The following FARS2 variants were observed in gnomAD, a reference collection of about 807,000 sequenced individuals.
The protein encoded by FARS2 is phenylalanyl-tRNA synthetase 2, mitochondrial.
A neutral mutation model predicts 46.4 loss-of-function variants in FARS2; 40 were observed. That is an observed-to-expected ratio of 0.86 (90% confidence interval 0.67 to 1.12). The LOEUF is 1.12. Ranked by LOEUF, FARS2 falls within the 50% of genes most tolerant of loss-of-function variation. The pLI is 0.00. For missense variants in FARS2, 513 were observed against 567.9 expected (o/e 0.90, Z 0.98); for synonymous variants, 234 against 214.9 (o/e 1.09, Z -0.78).
chr6:5,650,754 G>A (rs1777317886), intron 6 of FARS2, among the ~76,000 whole-genome samples: 1 of 152,146 alleles, frequency 6.6e-6, no homozygotes, highest in Non-Finnish European at 1.5e-5. Flanking sequence ...TGGGATTACA[G>A]GCATGAGCCA....
At chr6:5,493,785 C>G (rs990596002) in intron 4 of FARS2, among the ~76,000 whole-genome samples, 2 of 152,220 alleles carry the variant, frequency 1.3e-5, no homozygotes, top group African/African-American at 4.8e-5. Context: ...AAACGTTTAA[C>G]AAATTATTTA....
At chr6:5,436,261 A>G (rs1245645052) in intron 4 of FARS2, among the ~76,000 whole-genome samples, 2 of 152,210 alleles carry the variant, frequency 1.3e-5, no homozygotes, top group South Asian at 2.1e-4. Context: ...AAGGAGGGAT[A>G]TACTTTCTCT....
rs1298372971 is a variant in FARS2 at position 5,302,532 on chromosome 6, C to G, written c.-22+40872C>G. 2.6e-5 allele frequency among the ~76,000 whole-genome samples: 4 copies of G among 152,168 alleles called. No homozygotes were observed. The South Asian group carries it at 8.3e-4, about 31-fold the overall frequency. The stretch of plus-strand genomic sequence containing the variant: ...TGCTAGCACAGTTCTCAGAGCTTTA[C>G]TTGCACACTGAATCCTCTCCTCAAT... On this transcript the variant is annotated intron_variant, in intron 1 of 6. Transcript: ENST00000274680.
intron 1 of FARS2, among the ~76,000 whole-genome samples, chr6:5,313,797 C>T (rs1047724418): frequency 1.3e-5 from 2 of 151,996 alleles, no homozygotes; most frequent in Admixed American, 6.6e-5. Flanking sequence ...GCTTCCTAAA[C>T]TTTGCTGCAC....
In FARS2 at chr6:5,429,481, TGG is replaced by T. The variant is rs756450134; in HGVS notation, c.773-1558_773-1557del. 1.1e-3 allele frequency among the ~76,000 whole-genome samples: 162 copies of T among 152,322 alleles called. 1 individual carries two copies. The highest frequency in any genetic ancestry group is 2.0e-3 in the Non-Finnish European group (136 of 68,032). On this transcript the variant is annotated intron_variant, in intron 3 of 6. Coordinates refer to ENST00000274680, the MANE Select transcript of FARS2 (RefSeq NM_006567.5). ...TTGACTCTCAAAATATCTTTTTTGA[TGG>T]GCAGGCAATTATGTTTTAACTGTCA...
At chr6:5,264,699 G>A (rs1461259393) in intron 1 of FARS2, among the ~76,000 whole-genome samples, 1 of 151,854 alleles carries the variant, frequency 6.6e-6, no homozygotes, top group Non-Finnish European at 1.5e-5. Flanking sequence ...GAGCCACCGC[G>A]CCCGGCCCAT....
chr6:5,637,931 T>A (rs756283575), intron 6 of FARS2, among the ~76,000 whole-genome samples: 1 of 152,228 alleles, frequency 6.6e-6, no homozygotes, highest in African/African-American at 2.4e-5. Flanking sequence ...ACATTTGAGA[T>A]ACTGGCAGTT....
intron 4 of FARS2, among the ~76,000 whole-genome samples, chr6:5,463,594 A>G (rs570649710): frequency 2.9e-4 from 44 of 152,378 alleles, no homozygotes; most frequent in South Asian, 8.3e-4. Flanking sequence ...AAAATTTTCA[A>G]CAATAATAGG....
At chr6:5,313,223 A>T (rs1051199510) in intron 1 of FARS2, among the ~76,000 whole-genome samples, 2 of 152,188 alleles carry the variant, frequency 1.3e-5, no homozygotes, top group Admixed American at 6.5e-5. Flanking sequence ...GCCCCTTTTC[A>T]TCAGGCTGGG....
intron 6 of FARS2, among the ~76,000 whole-genome samples, chr6:5,674,089 G>C (rs1447136334): frequency 1.4e-5 from 2 of 146,342 alleles, no homozygotes; most frequent in East Asian, 4.2e-4. Context: ...AAAGGTTTAT[G>C]TATATGTTTT....
chr6:5,365,346 T>TTA (rs1581893742), intron 1 of FARS2, among the ~76,000 whole-genome samples: 1 of 122,116 alleles, frequency 8.2e-6, no homozygotes, highest in Non-Finnish European at 1.7e-5. Flanking sequence ...TTTTTTTTTT[T>TTA]AGTGAGGCAG....
At chr6:5,461,184 A>G (rs1350721628) in intron 4 of FARS2, among the ~76,000 whole-genome samples, 2 of 151,956 alleles carry the variant, frequency 1.3e-5, no homozygotes, top group African/African-American at 4.8e-5. Flanking sequence ...TACTACCGGC[A>G]TGCACCATCA....
At chr6:5,695,133 C>G (rs943566626) in intron 6 of FARS2, 1 of 152,234 alleles carries the variant, frequency 6.6e-6, no homozygotes, top group Non-Finnish European at 1.5e-5. Context: ...AAGGTGATGA[C>G]GCTGTGCTTA....
intron 6 of FARS2, among the ~76,000 whole-genome samples, chr6:5,632,169 T>C (rs1009311233): frequency 6.6e-6 from 1 of 152,222 alleles, no homozygotes; most frequent in African/African-American, 2.4e-5. Context: ...CCCGTAGGTG[T>C]ATTCTGTGGA....
At position 5,472,656 on chromosome 6, in the gene FARS2, A is replaced by G. The variant is rs757986177; in HGVS notation, c.904+41484A>G. ...CCATTCTGTGTTTTTTAAATTTTAA[A>G]ATCAGGTCTCTCCATTTAATGTGAT... On this transcript the variant is annotated intron_variant, in intron 4 of 6. Transcript: ENST00000274680. Among the ~76,000 whole-genome samples the G allele has an allele frequency of 3.4e-4, 52 of 152,268 alleles. 1 individual carries two copies. The Middle Eastern group carries it at 0.014, about 40-fold the overall frequency.
chr6:5,448,957 A>G (rs1269941883), intron 4 of FARS2, among the ~76,000 whole-genome samples: 3 of 152,248 alleles, frequency 2.0e-5, no homozygotes, highest in Non-Finnish European at 4.4e-5. Context: ...TGAAGTGTCT[A>G]TAAGACATCT....
chr6:5,373,966 T>C (rs1027012473), intron 2 of FARS2, among the ~76,000 whole-genome samples: 3 of 152,140 alleles, frequency 2.0e-5, no homozygotes, highest in Admixed American at 6.5e-5. Context: ...ACTGACTAAC[T>C]GAATATTTGA....
At chr6:5,530,183 A>G (rs566606546) in intron 4 of FARS2, among the ~76,000 whole-genome samples, 1 of 152,326 alleles carries the variant, frequency 6.6e-6, no homozygotes, top group East Asian at 1.9e-4. Context: ...GGAGAAGGAC[A>G]TCATAGCACT....
chr6:5,694,833 C>G (rs78838161), intron 6 of FARS2: 1 of 93,342 alleles, frequency 1.1e-5, no homozygotes, highest in Non-Finnish European at 2.4e-5. Flanking sequence ...GAGAACCCCC[C>G]ACACCTCTAC....
Sources: allele counts gnomAD v4.1 joint callset (sites outside exome capture counted in the v4.1 genomes callset), GRCh38; gene constraint gnomAD v4.1.1; transcripts MANE v1.5; gene names NCBI Gene and HGNC (gene_info 2026-07-23, HGNC 2026-07-21).